The following TRABD2B variants were observed in gnomAD, a reference collection of about 807,000 sequenced individuals.
TRABD2B encodes TraB domain containing 2B, also known as metalloprotease TIKI2.
A neutral mutation model predicts 40.1 loss-of-function variants in TRABD2B; 14 were observed. The ratio of observed to expected loss-of-function variants is 0.35; its 90% CI spans 0.23 to 0.55. The LOEUF is 0.55. TRABD2B is among the 20% of genes least tolerant of loss of function. The pLI, the probability that TRABD2B is intolerant of heterozygous loss-of-function variation, is 0.90. For missense variants in TRABD2B, 541 were observed against 648.6 expected, an observed-to-expected ratio of 0.83 and a Z score of 1.80; for synonymous variants, 263 against 277.0, an observed-to-expected ratio of 0.95 and a Z score of 0.50.
chr1:47,955,831 C>T (rs968474679), intron 2 of TRABD2B, among the ~76,000 whole-genome samples: 4 of 152,204 alleles, frequency 2.6e-5, no homozygotes, highest in African/African-American at 9.6e-5. Flanking sequence ...GCCAGGAGTC[C>T]ACTGCTCAGC....
chr1:47,809,651 C>T (rs1481388823), intron 2 of TRABD2B, among the ~76,000 whole-genome samples: 1 of 152,200 alleles, frequency 6.6e-6, no homozygotes, highest in Admixed American at 6.5e-5. Flanking sequence ...CCATCGGCAG[C>T]ACCAAAGCCA....
chr1:47,768,700 T>G (rs1179649158), intron 6 of TRABD2B, among the ~76,000 whole-genome samples: 3 of 152,204 alleles, frequency 2.0e-5, no homozygotes, highest in Admixed American at 6.5e-5. Flanking sequence ...CTTTGAACAG[T>G]GCCTGGCACA....
intron 2 of TRABD2B, among the ~76,000 whole-genome samples, chr1:47,941,448 A>G (rs1310596708): frequency 6.6e-6 from 1 of 152,222 alleles, no homozygotes; most frequent in African/African-American, 2.4e-5. Context: ...TTGCACACAC[A>G]AACACATAGA....
intron 3 of TRABD2B, among the ~76,000 whole-genome samples, chr1:47,797,731 C>T (rs59550536): frequency 0.028 from 4,218 of 152,122 alleles, 209 homozygotes; most frequent in African/African-American, 0.096. Context: ...GTTTGGGCCA[C>T]GGCTGGGATG....
chr1:47,828,586 C>A (rs1645208343), intron 2 of TRABD2B, among the ~76,000 whole-genome samples: 1 of 152,192 alleles, frequency 6.6e-6, no homozygotes, highest in African/African-American at 2.4e-5. Flanking sequence ...GTGGCCAGAG[C>A]ATGCCGAGGC....
chr1:47,987,998 G>T (rs1220819914), intron 2 of TRABD2B, among the ~76,000 whole-genome samples: 1 of 152,144 alleles, frequency 6.6e-6, no homozygotes, highest in Admixed American at 6.5e-5. Flanking sequence ...CACGGTCTGA[G>T]GTCCTCCAGG....
At chr1:47,795,768 C>T (rs1432204069) in intron 3 of TRABD2B, 35 of 904,104 alleles carry the variant, frequency 3.9e-5, no homozygotes, top group Non-Finnish European at 4.5e-5. Context: ...CCCATCCCTG[C>T]ACCACCACTT....
chr1:47,933,373 A>C (rs1439873544), intron 2 of TRABD2B, among the ~76,000 whole-genome samples: 1 of 151,610 alleles, frequency 6.6e-6, no homozygotes, highest in East Asian at 1.9e-4. Context: ...CAGCCTCCCA[A>C]AGTGCTGGGA....
At chr1:47,907,173 C>T (rs1424730610) in intron 2 of TRABD2B, among the ~76,000 whole-genome samples, 1 of 152,162 alleles carries the variant, frequency 6.6e-6, no homozygotes, top group Non-Finnish European at 1.5e-5. Flanking sequence ...GGCTGCGGGC[C>T]CCAGGCTGCC....
chr1:47,900,070 C>A (rs1329486539), intron 2 of TRABD2B, among the ~76,000 whole-genome samples: 1 of 152,154 alleles, frequency 6.6e-6, no homozygotes, highest in Non-Finnish European at 1.5e-5. Flanking sequence ...TTTGTTTTCT[C>A]CACCCACCCC....
intron 2 of TRABD2B, among the ~76,000 whole-genome samples, chr1:47,846,476 G>C (rs1456206710): frequency 6.6e-6 from 1 of 152,326 alleles, no homozygotes; most frequent in Admixed American, 6.5e-5. Flanking sequence ...TATGACCATA[G>C]CTGGGGCTGT....
chr1:47,932,368 G>A (rs923736300), intron 2 of TRABD2B, among the ~76,000 whole-genome samples: 3 of 152,216 alleles, frequency 2.0e-5, no homozygotes, highest in African/African-American at 7.2e-5. Flanking sequence ...CAAAGCAGAA[G>A]TGAGGATGAA....
intron 2 of TRABD2B, among the ~76,000 whole-genome samples, chr1:47,965,333 C>A (rs1645587244): frequency 1.3e-5 from 2 of 149,648 alleles, no homozygotes; most frequent in Non-Finnish European, 3.0e-5. Context: ...GGGTGTCTGG[C>A]AAGGTCCAGG....
At chr1:47,850,386 A>G (rs544514845) in intron 2 of TRABD2B, among the ~76,000 whole-genome samples, 2 of 152,384 alleles carry the variant, frequency 1.3e-5, no homozygotes, top group South Asian at 4.1e-4. Context: ...AACTGAGGAA[A>G]GGCCCCTAAC....
chr1:47,768,801 T>C (rs532808624), intron 6 of TRABD2B, among the ~76,000 whole-genome samples: 1 of 152,252 alleles, frequency 6.6e-6, no homozygotes, highest in Non-Finnish European at 1.5e-5. Flanking sequence ...CTTCCACTTA[T>C]AGAGCACTTA....
intron 2 of TRABD2B, among the ~76,000 whole-genome samples, chr1:47,823,982 A>G (rs755090476): frequency 3.3e-5 from 5 of 152,174 alleles, no homozygotes; most frequent in Non-Finnish European, 5.9e-5. Context: ...TAATGTGGAC[A>G]GCTTCTTGGG....
chr1:47,959,525 A>G (rs150931371), intron 2 of TRABD2B, among the ~76,000 whole-genome samples: 3,570 of 152,290 alleles, frequency 0.023, 108 homozygotes, highest in Admixed American at 0.09. Context: ...TGATAAAGGG[A>G]TATCACCACC....
At chr1:47,884,488 G>A (rs1050329641) in intron 2 of TRABD2B, among the ~76,000 whole-genome samples, 27 of 152,164 alleles carry the variant, frequency 1.8e-4, no homozygotes, top group Admixed American at 1.5e-3. Context: ...CCTACACACC[G>A]GCTGGTAAGC....
At position 47,895,247 on chromosome 1, in the gene TRABD2B, C is replaced by T. The variant is rs147986461; in HGVS notation, c.667-93628G>A. ...GACGTGGATAGTCTCTTGCAGCCCA[C>T]TCGCCCCACCCCCCAGCCAGGAAGC... On this transcript the variant is annotated intron_variant, in intron 2 of 6. Transcript: ENST00000606738. Among the ~76,000 whole-genome samples, 5 of 152,210 alleles carry T rather than the reference C, an allele frequency of 3.3e-5. No individual in the cohort carries two copies. The East Asian group carries it at 9.7e-4, about 29-fold the overall frequency.
Sources: allele counts gnomAD v4.1 joint callset (sites outside exome capture counted in the v4.1 genomes callset), GRCh38; gene constraint gnomAD v4.1.1; transcripts MANE v1.5; gene names NCBI Gene and HGNC (gene_info 2026-07-23, HGNC 2026-07-21).